CEPT1: variants seen among roughly 807,000 people sequenced by gnomAD.
CEPT1 encodes choline/ethanolamine phosphotransferase 1.
In CEPT1, 7 loss-of-function variants were observed where a neutral mutation model predicts 42.6. That is an observed-to-expected ratio of 0.16 (90% CI 0.09 to 0.31). The LOEUF (loss-of-function observed/expected upper bound fraction) is 0.31, where lower values mean the gene tolerates loss of function less well. CEPT1 is among the 10% of genes least tolerant of loss of function. The probability of loss-of-function intolerance (pLI) is 1.00; values close to 1 mark genes in which losing one functional copy is unlikely to be tolerated. For missense variants in CEPT1, 306 were observed against 502.1 expected (o/e 0.61, Z 3.73); for synonymous variants, 171 against 171.9 (o/e 0.99, Z 0.04).
intron 4 of CEPT1, among the ~76,000 whole-genome samples, chr1:111,166,558 G>A (rs1656153729): frequency 6.6e-6 from 1 of 152,170 alleles, no homozygotes. Flanking sequence ...CCAAATAGAA[G>A]TTACTCTTGA....
At position 111,159,398 on chromosome 1, in the gene CEPT1, A is replaced by G. The variant is rs146158422; in HGVS notation, c.358A>G (p.Ile120Val). ...TTCACAGGCACCTCTGTGGGCATATATTGCTTGTGCCTGTGGCCTTTTCAT... is the reference window on the plus strand; with the variant it reads ...TTCACAGGCACCTCTGTGGGCATATGTTGCTTGTGCCTGTGGCCTTTTCAT... ...ATEQAPLWAY[I>V]ACACGLFIYQ... The change falls in exon 3 of 9, where the codon ATT becomes GTT. Residue 120 changes from isoleucine (I) to valine (V), a missense_variant. Physicochemically the swap from Ile to Val is conservative, Grantham distance 29. This residue lies in a region of CEPT1 where 253 missense variants were observed against 447.3 expected (regional missense o/e 0.57). Coordinates refer to ENST00000357172, the MANE Select transcript of CEPT1 (RefSeq NM_006090.5). 15,877 of 1,612,082 alleles carry G rather than the reference A, an allele frequency of 9.8e-3. 101 individuals are homozygous for G. Among genetic ancestry groups the G allele is most frequent in the Non-Finnish European group, 0.012 (13,917 of 1,179,362 alleles).
At chr1:111,156,523 A>G (rs889948664) in intron 2 of CEPT1, among the ~76,000 whole-genome samples, 1 of 152,184 alleles carries the variant, frequency 6.6e-6, no homozygotes, top group East Asian at 1.9e-4. Flanking sequence ...TTGGAAGAAG[A>G]ATTGTCTTGG....
At chr1:111,159,158 G>A (rs867772188) in intron 2 of CEPT1, among the ~76,000 whole-genome samples, 1 of 149,666 alleles carries the variant, frequency 6.7e-6, no homozygotes, top group East Asian at 1.9e-4. Flanking sequence ...CTCGTGATCC[G>A]CCCGCCTCGG....
At position 111,161,180 on chromosome 1, in the gene CEPT1, T is replaced by C. The variant is rs1655849846; in HGVS notation, c.513T>C (p.Ile171=). The C allele has an allele frequency of 2.5e-6, 4 of 1,614,128 alleles. No individual in the cohort carries two copies. ...STVFVVLGTC[I]AVQLGTNPDW... ...TTTTTGTGGTTCTTGGAACTTGTAT[T>C]GCAGTGCAGCTGGGGACAAACCCTG... The change falls in exon 4 of 9, where the codon ATT becomes ATC. Residue 171 remains isoleucine (I), a synonymous_variant. Transcript: ENST00000357172.
chr1:111,158,313 A>G (rs749343432), intron 2 of CEPT1, among the ~76,000 whole-genome samples: 1 of 152,212 alleles, frequency 6.6e-6, no homozygotes, highest in Non-Finnish European at 1.5e-5. Flanking sequence ...AGACTGCACC[A>G]CTGCACTCCC....
In CEPT1 at chr1:111,159,508, C is replaced by G; in HGVS notation, c.468C>G (p.Gly156=). The change falls in exon 3 of 9, where the codon GGC becomes GGG. Residue 156 remains glycine, a synonymous_variant. Coordinates refer to ENST00000357172, the MANE Select transcript of CEPT1 (RefSeq NM_006090.5). ...CTCTGGGAGAACTTTTTGATCATGG[C>G]TGTGATTCACTATCAACAGGTATTG... ...SSPLGELFDH[G]CDSLSTVFVV... The G allele has an allele frequency of 6.2e-7, 1 of 1,608,254 alleles. No individual in the cohort carries two copies. Among genetic ancestry groups the G allele is most frequent in the Non-Finnish European group, 8.5e-7 (1 of 1,178,540 alleles).
chr1:111,172,343 G>A (rs1656460957), intron 4 of CEPT1, among the ~76,000 whole-genome samples: 1 of 151,756 alleles, frequency 6.6e-6, no homozygotes, highest in African/African-American at 2.4e-5. Flanking sequence ...CCCAACACTT[G>A]GGAATATTAC....
chr1:111,147,514 T>G (rs1477497067), intron 1 of CEPT1, 128 bp from the exon 2 acceptor site: 8 of 434,078 alleles, frequency 1.8e-5, no homozygotes, highest in Non-Finnish European at 3.2e-5. Flanking sequence ...CCTTTTCTGG[T>G]CCTGTTTGAT....
intron 2 of CEPT1, among the ~76,000 whole-genome samples, chr1:111,155,958 TCTTG>T (rs1472915259): frequency 2.0e-5 from 3 of 152,210 alleles, no homozygotes; most frequent in Non-Finnish European, 4.4e-5. Flanking sequence ...TTTGATTTGT[TCTTG>T]CTTTTCTGGT....
At chr1:111,177,514 A>G (rs895428521) in intron 5 of CEPT1, among the ~76,000 whole-genome samples, 1 of 152,184 alleles carries the variant, frequency 6.6e-6, no homozygotes, top group Non-Finnish European at 1.5e-5. Context: ...AAATGCATAA[A>G]ACATTGTAAA....
chr1:111,157,324 G>C (rs558424748), intron 2 of CEPT1, among the ~76,000 whole-genome samples: 101 of 152,162 alleles, frequency 6.6e-4, no homozygotes, highest in African/African-American at 2.3e-3. Context: ...TAGATTTCTT[G>C]TCCCCTAAAG....
At chr1:111,157,418 G>T (rs542310727) in intron 2 of CEPT1, among the ~76,000 whole-genome samples, 1 of 152,296 alleles carries the variant, frequency 6.6e-6, no homozygotes, top group East Asian at 1.9e-4. Context: ...GCTACATATG[G>T]CTATTGAGCA....
chr1:111,164,914 C>T (rs1426622846), intron 4 of CEPT1, among the ~76,000 whole-genome samples: 1 of 151,638 alleles, frequency 6.6e-6, no homozygotes, highest in Non-Finnish European at 1.5e-5. Context: ...AGCCACCGCA[C>T]CCGGCCTATA....
chr1:111,148,433 C>T (rs1251022120), intron 2 of CEPT1, among the ~76,000 whole-genome samples: 1 of 150,472 alleles, frequency 6.6e-6, no homozygotes, highest in Non-Finnish European at 1.5e-5. Flanking sequence ...TGACTGTAAA[C>T]TAGCCTTATC....
At chr1:111,149,054 C>G (rs1440920287) in intron 2 of CEPT1, among the ~76,000 whole-genome samples, 3 of 152,008 alleles carry the variant, frequency 2.0e-5, no homozygotes, top group Admixed American at 6.6e-5. Context: ...CACCATTCAA[C>G]CCTCTATTCT....
rs1422856038 is a variant in CEPT1 at position 111,184,362 on chromosome 1, CATATT to C, written c.*54_*58del. ...ATGTTTTCTGCAGGAAAGAAAGTAA[CATATT>C]AAGGAGAATGGGGGTGGATAAGAAC... On this transcript the variant is annotated 3_prime_UTR_variant, in exon 9 of 9. Transcript: ENST00000357172. 4.9e-6 allele frequency: 7 copies of C among 1,443,064 alleles called. No homozygotes were observed. Among genetic ancestry groups the C allele is most frequent in the Non-Finnish European group, 6.7e-6 (7 of 1,042,034 alleles). 89.4% of individuals were successfully genotyped at this position (1,443,064 alleles called of 1,614,324 possible).
chr1:111,169,118 A>G (rs954783671), intron 4 of CEPT1, among the ~76,000 whole-genome samples: 1 of 152,252 alleles, frequency 6.6e-6, no homozygotes, highest in Non-Finnish European at 1.5e-5. Context: ...GTACGTGTTC[A>G]GTACAGACAC....
At chr1:111,155,147 C>T (rs1467071296) in intron 2 of CEPT1, among the ~76,000 whole-genome samples, 1 of 152,080 alleles carries the variant, frequency 6.6e-6, no homozygotes, top group African/African-American at 2.4e-5. Context: ...AATATTTATT[C>T]AATCTTGTTA....
In CEPT1 at chr1:111,140,591, G is replaced by GT. The variant is rs1418637042; in HGVS notation, c.-74+286dup. The GT allele has an allele frequency of 5.9e-5, 9 of 152,812 alleles. No homozygotes were observed. The East Asian group carries it at 1.7e-3, about 29-fold the overall frequency. 9.5% of individuals were successfully genotyped at this position (152,812 alleles called of 1,614,324 possible). A position where few individuals can be genotyped will look rare whatever the true frequency, so the allele number is the denominator to read the frequency against. ...GCGCCGGCGCGGGAGCCGGGGGGCTGTTGTGTGGGAGCCCAAGGTAGGGGT... is the reference window on the plus strand; with the variant it reads ...GCGCCGGCGCGGGAGCCGGGGGGCTGTTTGTGTGGGAGCCCAAGGTAGGGGT... On this transcript the variant is annotated intron_variant, in intron 1 of 8. Coordinates refer to ENST00000357172, the MANE Select transcript of CEPT1 (RefSeq NM_006090.5).
Sources: allele counts gnomAD v4.1 joint callset (sites outside exome capture counted in the v4.1 genomes callset), GRCh38; gene constraint gnomAD v4.1.1; regional missense constraint gnomAD v4.1.1; transcripts MANE v1.5; gene names NCBI Gene and HGNC (gene_info 2026-07-23, HGNC 2026-07-21).